Variants in SHISA9 observed in about 807,000 individuals in gnomAD.
SHISA9 encodes the protein shisa family member 9.
Under a neutral mutation model 38.0 loss-of-function variants are expected in SHISA9, and 13 were observed. That is an observed-to-expected ratio of 0.34 (90% CI 0.22 to 0.54). The LOEUF (loss-of-function observed/expected upper bound fraction) is 0.54, where lower values mean the gene tolerates loss of function less well. Among genes scored for constraint, SHISA9 ranks in the 20% least tolerant of loss-of-function variants. The probability of loss-of-function intolerance (pLI) is 0.91; values close to 1 mark genes in which losing one functional copy is unlikely to be tolerated. For synonymous variants in SHISA9, 275 were observed against 242.0 expected (o/e 1.14, Z -1.27); for missense variants, 538 against 575.8 (o/e 0.93, Z 0.67).
At chr16:13,392,354 C>T in the SHISA9 span, among the ~76,000 whole-genome samples, 1 of 152,152 alleles carries the variant, frequency 6.6e-6, no homozygotes, top group Non-Finnish European at 1.5e-5. Flanking sequence ...AAGTGGAAAG[C>T]ATTCCATTAT....
At chr16:13,324,521 T>A in the SHISA9 span, among the ~76,000 whole-genome samples, 2 of 152,140 alleles carry the variant, frequency 1.3e-5, no homozygotes, top group Non-Finnish European at 1.5e-5. Context: ...CTATGTAATA[T>A]TAGTTAAGTA....
intron 2 of SHISA9, among the ~76,000 whole-genome samples, chr16:13,046,956 C>A (rs190923457): frequency 1.3e-5 from 2 of 152,128 alleles, no homozygotes; most frequent in Non-Finnish European, 2.9e-5. Context: ...GCTCTTACCC[C>A]CTGTGTGCCT....
At chr16:13,155,413 C>T in intron 2 of SHISA9, among the ~76,000 whole-genome samples, 1 of 152,106 alleles carries the variant, frequency 6.6e-6, no homozygotes, top group East Asian at 1.9e-4. Context: ...CCTACCCCTC[C>T]CCACCTGCCC....
At chr16:13,484,837 A>G in the SHISA9 span, among the ~76,000 whole-genome samples, 3 of 152,080 alleles carry the variant, frequency 2.0e-5, no homozygotes, top group Admixed American at 6.5e-5. Context: ...CTGCTATCAC[A>G]AGAACAGCAG....
chr16:13,501,997 G>A, the SHISA9 span, among the ~76,000 whole-genome samples: 87 of 128,362 alleles, frequency 6.8e-4, 1 homozygote, highest in African/African-American at 2.0e-3. Flanking sequence ...GCGAAACTCC[G>A]TATCAAAAAA....
the SHISA9 span, among the ~76,000 whole-genome samples, chr16:13,481,176 T>C: frequency 6.6e-6 from 1 of 152,232 alleles, no homozygotes; most frequent in South Asian, 2.1e-4. Flanking sequence ...TTTGCGAACC[T>C]CTGAGCGTTG....
At chr16:13,287,464 A>T in the SHISA9 span, among the ~76,000 whole-genome samples, 5 of 152,250 alleles carry the variant, frequency 3.3e-5, no homozygotes, top group African/African-American at 7.2e-5. Context: ...GGAGTTAATC[A>T]GGTAAAGATC....
chr16:13,162,255 T>C (rs1041966150), intron 2 of SHISA9, among the ~76,000 whole-genome samples: 4 of 152,138 alleles, frequency 2.6e-5, no homozygotes, highest in Non-Finnish European at 4.4e-5. Context: ...CTAGTTGGTG[T>C]AGAAGAAATA....
At chr16:13,398,239 C>G in the SHISA9 span, among the ~76,000 whole-genome samples, 1 of 152,160 alleles carries the variant, frequency 6.6e-6, no homozygotes, top group Non-Finnish European at 1.5e-5. Flanking sequence ...CTCACCTTGT[C>G]TGTGGGCACA....
At chr16:13,255,384 G>A in the SHISA9 span, among the ~76,000 whole-genome samples, 1 of 151,838 alleles carries the variant, frequency 6.6e-6, no homozygotes, top group African/African-American at 2.4e-5. Context: ...CTTCTCTCTT[G>A]CCCTCTATCT....
chr16:13,067,232 G>A lies in SHISA9; in HGVS notation c.692-136162G>A, dbSNP rs185063946. ...ATCTGGTCCTGATGCAGGAGAAATG[G>A]ACACAGTGGAATCTCTTACAGATCC... is the stretch of plus-strand genomic sequence containing the variant. On this transcript the variant is annotated intron_variant, in intron 2 of 4. Coordinates refer to ENST00000558583, the MANE Select transcript of SHISA9 (RefSeq NM_001145204.3). Among the ~76,000 whole-genome samples, 15 of 152,304 alleles carry A rather than the reference G, an allele frequency of 9.8e-5. No homozygotes were observed. In the East Asian group the frequency reaches 2.7e-3, roughly 27 times the overall value.
At chr16:13,379,749 A>G in the SHISA9 span, among the ~76,000 whole-genome samples, 1 of 152,054 alleles carries the variant, frequency 6.6e-6, no homozygotes. Context: ...TTCTGTTATC[A>G]AATGCCTTTC....
chr16:13,004,555 G>A (rs1264726848), intron 2 of SHISA9, among the ~76,000 whole-genome samples: 3 of 152,172 alleles, frequency 2.0e-5, no homozygotes, highest in African/African-American at 4.8e-5. Flanking sequence ...GCTTGGTGTA[G>A]AGTGGACTGA....
chr16:12,908,753 G>T (rs1443007856), intron 1 of SHISA9: 29 of 1,405,788 alleles, frequency 2.1e-5, no homozygotes, highest in Non-Finnish European at 2.6e-5. Context: ...TTTCTATATC[G>T]GCCCCGGCAG....
intron 2 of SHISA9, among the ~76,000 whole-genome samples, chr16:13,011,251 C>T (rs940861424): frequency 6.0e-5 from 9 of 150,790 alleles, no homozygotes; most frequent in South Asian, 2.1e-4. Flanking sequence ...TTATGAGATG[C>T]GTGTAGATAG....
the SHISA9 span, among the ~76,000 whole-genome samples, chr16:13,451,760 G>A: frequency 1.3e-5 from 2 of 152,234 alleles, no homozygotes; most frequent in African/African-American, 4.8e-5. Context: ...ACATAGGCAT[G>A]TGACAGATCC....
rs927602726 is a variant in SHISA9 at position 13,238,399 on chromosome 16, A to G, written c.*2990A>G. On this transcript the variant is annotated 3_prime_UTR_variant, in exon 5 of 5. Transcript: ENST00000558583. ...ATCTGTGAGGCTCTTTCCAGCTCAA[A>G]GTTTCCATAATTCTTATCTCCCTTT... 3 of 152,108 alleles carry G rather than the reference A, an allele frequency of 2.0e-5. No individual in the cohort carries two copies. The highest frequency in any genetic ancestry group is 7.2e-5 in the African/African-American group (3 of 41,422). 9.4% of individuals were successfully genotyped at this position (152,108 alleles called of 1,614,324 possible). A position where few individuals can be genotyped will look rare whatever the true frequency, so the allele number is the denominator to read the frequency against.
chr16:13,458,819 C>T, the SHISA9 span: 1 of 178,156 alleles, frequency 5.6e-6, no homozygotes, highest in Non-Finnish European at 1.2e-5. Context: ...TTATTGTGGA[C>T]TTCCAATAAA....
the SHISA9 span, among the ~76,000 whole-genome samples, chr16:13,551,741 T>C: frequency 1.3e-5 from 2 of 152,002 alleles, no homozygotes; most frequent in African/African-American, 2.4e-5. Flanking sequence ...AAAAGTACAA[T>C]TGGTAGGCCG....
Sources: gnomAD v4.1 joint callset for allele counts (sites outside exome capture counted in the v4.1 genomes callset) on GRCh38, gnomAD v4.1.1 for gene constraint, MANE v1.5 for transcripts, NCBI Gene and HGNC (gene_info 2026-07-23, HGNC 2026-07-21) for gene names.